The following RASAL2 variants were observed in gnomAD, a reference collection of about 807,000 sequenced individuals.
RASAL2 encodes RAS protein activator like 2, also known as ras GTPase-activating protein nGAP.
In RASAL2, 58 loss-of-function variants were observed where a neutral mutation model predicts 128.9. That is an observed-to-expected ratio of 0.45 (90% CI 0.36 to 0.56). The LOEUF (loss-of-function observed/expected upper bound fraction) is 0.56. Among genes scored for constraint, RASAL2 ranks in the 20% least tolerant of loss-of-function variants. The pLI, the probability that RASAL2 is intolerant of heterozygous loss-of-function variation, is 0.00. For synonymous variants in RASAL2, 561 were observed against 580.8 expected, an observed-to-expected ratio of 0.97 and a Z score of 0.49; for missense variants, 1,360 against 1,601.6, an observed-to-expected ratio of 0.85 and a Z score of 2.57.
chr1:178,391,141 G>C lies in RASAL2; in HGVS notation c.564+935G>C, dbSNP rs114947543. ...AAATACAAAAGAGGCTGGGCCTAGT[G>C]GTTCACACCTGTAATCCTAGCATTT... On this transcript the variant is annotated intron_variant, in intron 4 of 17. Coordinates refer to ENST00000367649, the MANE Select transcript of RASAL2 (RefSeq NM_170692.4). Among the ~76,000 whole-genome samples the C allele has an allele frequency of 4.6e-5, 7 of 152,232 alleles. 1 individual carries two copies. Among genetic ancestry groups the C allele is most frequent in the Non-Finnish European group, 7.4e-5 (5 of 68,010 alleles).
At chr1:178,360,218 C>T (rs1050600602) in intron 3 of RASAL2, among the ~76,000 whole-genome samples, 3 of 152,182 alleles carry the variant, frequency 2.0e-5, no homozygotes, top group African/African-American at 7.2e-5. Flanking sequence ...ACTCCTCCAC[C>T]CCTGCTCTAC....
intron 4 of RASAL2, among the ~76,000 whole-genome samples, chr1:178,408,702 TA>T (rs1435831521): frequency 6.6e-6 from 1 of 151,902 alleles, no homozygotes; most frequent in Non-Finnish European, 1.5e-5. Context: ...CATAATTCTA[TA>T]ATAAGGTATG....
chr1:178,337,976 C>T (rs1188986497), intron 3 of RASAL2, among the ~76,000 whole-genome samples: 1 of 151,974 alleles, frequency 6.6e-6, no homozygotes, highest in South Asian at 2.1e-4. Flanking sequence ...AGGTGATCCA[C>T]CCACCTCGGC....
chr1:178,215,955 A>T (rs1445804352), intron 1 of RASAL2, among the ~76,000 whole-genome samples: 6 of 152,228 alleles, frequency 3.9e-5, no homozygotes, highest in Non-Finnish European at 1.5e-5. Context: ...CAGCAAAGTA[A>T]CTAAATCTAT....
At chr1:178,167,371 A>G (rs912086382) in intron 1 of RASAL2, among the ~76,000 whole-genome samples, 1 of 152,164 alleles carries the variant, frequency 6.6e-6, no homozygotes, top group African/African-American at 2.4e-5. Context: ...TATACAAGAT[A>G]GAAATAGTTT....
intron 5 of RASAL2, among the ~76,000 whole-genome samples, chr1:178,431,586 A>C (rs114487647): frequency 0.023 from 3,503 of 152,174 alleles, 62 homozygotes; most frequent in Middle Eastern, 0.058. Context: ...GAGAATTTGA[A>C]GTATGAATGT....
At chr1:178,442,603 C>A in intron 7 of RASAL2, 72 bp from the exon 8 acceptor site, 1 of 1,356,774 alleles carries the variant, frequency 7.4e-7, no homozygotes, top group Non-Finnish European at 1.0e-6. Context: ...ATGAACATTG[C>A]CAACTTAAGA....
chr1:178,148,841 T>A (rs1660816774), intron 1 of RASAL2, among the ~76,000 whole-genome samples: 1 of 152,224 alleles, frequency 6.6e-6, no homozygotes, highest in Non-Finnish European at 1.5e-5. Context: ...AATATGTAAA[T>A]ACATGGGTTT....
At chr1:178,447,321 TA>T (rs200857539) in intron 9 of RASAL2, among the ~76,000 whole-genome samples, 3 of 149,184 alleles carry the variant, frequency 2.0e-5, no homozygotes, top group Non-Finnish European at 3.0e-5. Context: ...GACCTTGTCT[TA>T]AAAAAAATAA....
At chr1:178,150,176 G>A (rs748415874) in intron 1 of RASAL2, among the ~76,000 whole-genome samples, 1 of 152,014 alleles carries the variant, frequency 6.6e-6, no homozygotes, top group Non-Finnish European at 1.5e-5. Context: ...AGAAATTACA[G>A]TATATTGGGC....
chr1:178,126,361 T>C (rs1344200508), intron 1 of RASAL2, among the ~76,000 whole-genome samples: 3 of 152,172 alleles, frequency 2.0e-5, no homozygotes, highest in Non-Finnish European at 4.4e-5. Context: ...TAAGTAGAAA[T>C]ATTCATCTAT....
intron 1 of RASAL2, among the ~76,000 whole-genome samples, chr1:178,165,574 G>A (rs1217603984): frequency 6.6e-6 from 1 of 152,134 alleles, no homozygotes; most frequent in African/African-American, 2.4e-5. Flanking sequence ...GCTAAGGGAT[G>A]ACTGTACACA....
intron 3 of RASAL2, among the ~76,000 whole-genome samples, chr1:178,357,062 G>C (rs548674876): frequency 6.6e-6 from 1 of 152,034 alleles, no homozygotes; most frequent in Non-Finnish European, 1.5e-5. Flanking sequence ...GCTTGTGCTG[G>C]TATTTCTGTA....
chr1:178,448,490 C>T (rs1041927906), intron 9 of RASAL2, among the ~76,000 whole-genome samples: 2 of 152,032 alleles, frequency 1.3e-5, no homozygotes, highest in Admixed American at 1.3e-4. Flanking sequence ...TGTCTTCCTG[C>T]TTATCTTCAT....
At chr1:178,426,139 C>A (rs1322119908) in intron 5 of RASAL2, among the ~76,000 whole-genome samples, 1 of 152,052 alleles carries the variant, frequency 6.6e-6, no homozygotes, top group Non-Finnish European at 1.5e-5. Flanking sequence ...CTGATAAATT[C>A]ATTCCTAGGT....
intron 1 of RASAL2, among the ~76,000 whole-genome samples, chr1:178,165,355 T>C (rs1264228707): frequency 6.6e-6 from 1 of 152,158 alleles, no homozygotes; most frequent in African/African-American, 2.4e-5. Flanking sequence ...ACGTATAGAC[T>C]TTTTTCTTGT....
chr1:178,422,792 A>G (rs950177710), intron 5 of RASAL2, among the ~76,000 whole-genome samples: 30 of 152,192 alleles, frequency 2.0e-4, no homozygotes, highest in African/African-American at 3.1e-4. Context: ...CTTTTATCCA[A>G]TCTGTGGAAC....
At chr1:178,399,329 G>T (rs1286722466) in intron 4 of RASAL2, among the ~76,000 whole-genome samples, 1 of 151,848 alleles carries the variant, frequency 6.6e-6, no homozygotes, top group Non-Finnish European at 1.5e-5. Flanking sequence ...TCATCTCCAG[G>T]GATGTCTTAC....
chr1:178,298,931 C>CA (rs1234549712), intron 2 of RASAL2, among the ~76,000 whole-genome samples: 5 of 150,438 alleles, frequency 3.3e-5, no homozygotes, highest in African/African-American at 4.9e-5. Context: ...ACCCCAAAAC[C>CA]AAAAAAAACC....
Sources: allele counts gnomAD v4.1 joint callset (sites outside exome capture counted in the v4.1 genomes callset), GRCh38; gene constraint gnomAD v4.1.1; transcripts MANE v1.5; gene names NCBI Gene and HGNC (gene_info 2026-07-23, HGNC 2026-07-21).